LRCH1: variants seen among roughly 807,000 people sequenced by gnomAD.
LRCH1 encodes the protein leucine-rich repeat and calponin homology domain-containing protein 1.
Under a neutral mutation model 94.9 loss-of-function variants are expected in LRCH1, and 23 were observed. The ratio of observed to expected loss-of-function variants is 0.24; its 90% CI spans 0.17 to 0.34. LRCH1 has a LOEUF of 0.34. LRCH1 is among the 10% of genes least tolerant of loss of function. The pLI, the probability that LRCH1 is intolerant of heterozygous loss-of-function variation, is 1.00. For synonymous variants in LRCH1, 364 were observed against 354.9 expected (o/e 1.03, Z -0.29); for missense variants, 790 against 945.9 (o/e 0.84, Z 2.16).
intron 1 of LRCH1, among the ~76,000 whole-genome samples, chr13:46,614,849 C>G (rs1472410050): frequency 6.6e-6 from 1 of 152,116 alleles, no homozygotes; most frequent in Non-Finnish European, 1.5e-5. Flanking sequence ...TGAGGAGAGG[C>G]AGTGAGTCAG....
At position 46,606,732 on chromosome 13, in the gene LRCH1, C is replaced by T. The variant is rs369468539; in HGVS notation, c.308-43469C>T. On this transcript the variant is annotated intron_variant, in intron 1 of 19. Coordinates refer to ENST00000389797, the MANE Select transcript of LRCH1 (RefSeq NM_001164211.2). ...ACTTACAGGCGTGGGCCACTACGCT[C>T]GGCCAATTTTTGTATTTTTAGTAGA... Among the ~76,000 whole-genome samples, 473 of 152,148 alleles carry T rather than the reference C, an allele frequency of 3.1e-3. 3 individuals are homozygous for T. The highest frequency in any genetic ancestry group is 0.019 in the South Asian group (93 of 4,804).
intron 1 of LRCH1, among the ~76,000 whole-genome samples, chr13:46,607,717 A>G (rs1326628255): frequency 1.3e-5 from 2 of 151,814 alleles, no homozygotes; most frequent in African/African-American, 4.8e-5. Context: ...TTGAAAGTGT[A>G]ATATAAAATC....
At chr13:46,734,135 A>C in intron 19 of LRCH1, 137 bp downstream of exon 19, 1 of 441,602 alleles carries the variant, frequency 2.3e-6, no homozygotes, top group Admixed American at 4.2e-5. Flanking sequence ...ATATTGAATA[A>C]ATTATATAAA....
At chr13:46,734,486 G>A (rs570479512) in intron 19 of LRCH1, among the ~76,000 whole-genome samples, 6 of 152,272 alleles carry the variant, frequency 3.9e-5, no homozygotes, top group East Asian at 3.9e-4. Context: ...ATCACTAATC[G>A]TTATCATTAA....
chr13:46,597,224 A>C (rs1481673300), intron 1 of LRCH1, among the ~76,000 whole-genome samples: 1 of 152,208 alleles, frequency 6.6e-6, no homozygotes, highest in East Asian at 1.9e-4. Flanking sequence ...TTCTTGCCTC[A>C]GTTCTCATAC....
chr13:46,556,275 AT>A (rs1347402701), intron 1 of LRCH1, among the ~76,000 whole-genome samples: 1 of 152,218 alleles, frequency 6.6e-6, no homozygotes, highest in Admixed American at 6.5e-5. Context: ...CACCTGGGCA[AT>A]ATAGCCCATC....
chr13:46,623,356 G>C (rs1477571330), intron 1 of LRCH1, among the ~76,000 whole-genome samples: 2 of 152,112 alleles, frequency 1.3e-5, no homozygotes, highest in Admixed American at 1.3e-4. Flanking sequence ...TTTAATAAAA[G>C]GATTGTAATG....
chr13:46,639,450 T>G (rs1191480529), intron 1 of LRCH1, among the ~76,000 whole-genome samples: 5 of 152,240 alleles, frequency 3.3e-5, no homozygotes, highest in Non-Finnish European at 7.3e-5. Context: ...ATAGACTGTC[T>G]GTGGTCTGGC....
chr13:46,733,215 T>C (rs1454056165), intron 18 of LRCH1, among the ~76,000 whole-genome samples: 1 of 152,128 alleles, frequency 6.6e-6, no homozygotes. Context: ...AAACGTACCA[T>C]GTAAAAAAGT....
rs189007840 is a variant in LRCH1 at position 46,659,979 on chromosome 13, C to T, written c.453-9051C>T. ...CCAGCCTGGAGTCCTTTCATTCCAC[C>T]TTGCATGATAAGATCGGTAAAGGAA... On this transcript the variant is annotated intron_variant, in intron 2 of 19. Transcript: ENST00000389797. Among the ~76,000 whole-genome samples the T allele has an allele frequency of 2.3e-4, 34 of 150,574 alleles. No homozygotes were observed. In the East Asian group the frequency reaches 5.9e-3, roughly 26 times the overall value.
intron 1 of LRCH1, among the ~76,000 whole-genome samples, chr13:46,621,852 G>A (rs916943181): frequency 1.1e-4 from 17 of 152,110 alleles, no homozygotes; most frequent in African/African-American, 4.1e-4. Context: ...TCAAGTGGGA[G>A]GAGGTGTTGT....
At chr13:46,658,113 G>A (rs770839217) in intron 2 of LRCH1, among the ~76,000 whole-genome samples, 3 of 152,040 alleles carry the variant, frequency 2.0e-5, no homozygotes, top group Non-Finnish European at 4.4e-5. Context: ...GATTTTCCAA[G>A]GGAACAACAT....
intron 19 of LRCH1, 145 bp from the exon 20 acceptor site, chr13:46,741,497 G>C: frequency 2.3e-6 from 2 of 869,958 alleles, no homozygotes; most frequent in South Asian, 3.2e-5. Context: ...CTTTGATGAT[G>C]AAAGGGTCTT....
intron 19 of LRCH1, among the ~76,000 whole-genome samples, chr13:46,735,535 A>T (rs1873327044): frequency 6.6e-6 from 1 of 152,218 alleles, no homozygotes. Context: ...GTGAGTAAAG[A>T]TTGGTAATTA....
Position 46,626,492 on chromosome 13 carries a change from T to C in LRCH1, c.308-23709T>C, listed in dbSNP as rs148497285. On this transcript the variant is annotated intron_variant, in intron 1 of 19. Coordinates refer to ENST00000389797, the MANE Select transcript of LRCH1 (RefSeq NM_001164211.2). Reference sequence around the variant, plus strand: ...TAAGAAGGTACTTTGTAATTCTCCTTACCCTTGAGAATGTACTTTGTGAGA... The same window carrying C: ...TAAGAAGGTACTTTGTAATTCTCCTCACCCTTGAGAATGTACTTTGTGAGA... Among the ~76,000 whole-genome samples the C allele has an allele frequency of 3.8e-3, 586 of 152,324 alleles. 3 individuals are homozygous for C. The highest frequency in any genetic ancestry group is 5.9e-3 in the Non-Finnish European group (400 of 68,032).
At position 46,712,591 on chromosome 13, in the gene LRCH1, C is replaced by T; in HGVS notation, c.1648C>T (p.Arg550Ter). Residue 550 changes from arginine to a stop codon, truncating the protein, a stop_gained, in exon 15 of 20, where the codon CGA becomes TGA. Coordinates refer to ENST00000389797, the MANE Select transcript of LRCH1 (RefSeq NM_001164211.2). LOFTEE classifies it high-confidence loss of function. ...CACAGCTCCATTTGGCCTGAAGCCT[C>T]GATCAGGTAAATGAAAACCTCAGCC... ...NSTAPFGLKP[R>*]SDPALILPPI... 1.9e-6 allele frequency: 3 copies of T among 1,613,606 alleles called. No individual in the cohort carries two copies. Among genetic ancestry groups the T allele is most frequent in the Non-Finnish European group, 2.5e-6 (3 of 1,179,580 alleles).
chr13:46,595,938 C>T (rs2050557892), intron 1 of LRCH1, among the ~76,000 whole-genome samples: 3 of 151,308 alleles, frequency 2.0e-5, no homozygotes, highest in Non-Finnish European at 1.5e-5. Context: ...AGAATGGCAG[C>T]TATGTCTTTA....
At chr13:46,703,077 T>C (rs842391) in intron 11 of LRCH1, among the ~76,000 whole-genome samples, 120,627 of 152,168 alleles carry the variant, frequency 0.79, 47,968 homozygotes, top group African/African-American at 0.87. Flanking sequence ...GTTCAAAGAG[T>C]TGAATTCTAC....
chr13:46,655,610 A>C (rs1029574490), intron 2 of LRCH1, among the ~76,000 whole-genome samples: 1 of 152,252 alleles, frequency 6.6e-6, no homozygotes, highest in Non-Finnish European at 1.5e-5. Context: ...CCTGAGTTAC[A>C]CAGGAAAGCC....
Sources: gnomAD v4.1 joint callset for allele counts (sites outside exome capture counted in the v4.1 genomes callset) on GRCh38, gnomAD v4.1.1 for gene constraint, MANE v1.5 for transcripts, NCBI Gene and HGNC (gene_info 2026-07-23, HGNC 2026-07-21) for gene names.